Variants in CCDC88B observed in about 807,000 individuals in gnomAD.
CCDC88B encodes coiled-coil and HOOK domain protein 88B, also known as coiled-coil domain-containing protein 88B.
CCDC88B carries 138 observed loss-of-function variants against 183.7 expected under a neutral mutation model. The ratio of observed to expected loss-of-function variants is 0.75; its 90% CI spans 0.65 to 0.87. The LOEUF is 0.87. Ranked by LOEUF, CCDC88B falls within the 40% of genes least tolerant of loss-of-function variation. CCDC88B has a pLI of 0.00. For missense variants in CCDC88B, 1,822 were observed against 1,965.6 expected (o/e 0.93, Z 1.38); for synonymous variants, 835 against 867.5 (o/e 0.96, Z 0.66).
At chr11:64,348,049 C>CAAAAA (rs551644268) in intron 14 of CCDC88B, among the ~76,000 whole-genome samples, 1 of 70,924 alleles carries the variant, frequency 1.4e-5, no homozygotes, top group African/African-American at 5.8e-5. Context: ...GACTCCGTCT[C>CAAAAA]AAAAAAAAAA....
In CCDC88B at chr11:64,353,448, G is replaced by T. The variant is rs1447964046; in HGVS notation, c.3785G>T (p.Arg1262Leu). 4 of 1,612,864 alleles carry T rather than the reference G, an allele frequency of 2.5e-6. No individual in the cohort carries two copies. The highest frequency in any genetic ancestry group is 3.4e-6 in the Non-Finnish European group (4 of 1,179,946). ...LSRENRELLE[R>L]SLESRDHLHR... Reference sequence around the variant, plus strand: ...CGGGAGAACAGGGAGCTCCTGGAGCGCAGCCTGGAGAGTCGGGACCACCTG... The same window carrying T: ...CGGGAGAACAGGGAGCTCCTGGAGCTCAGCCTGGAGAGTCGGGACCACCTG... The change falls in exon 22 of 27, where the codon CGC becomes CTC. Residue 1262 changes from arginine to leucine, a missense_variant. Coordinates refer to ENST00000356786, the MANE Select transcript of CCDC88B (RefSeq NM_032251.6).
In CCDC88B at chr11:64,342,609, C is replaced by T; in HGVS notation, c.991C>T (p.Arg331Cys). 2.0e-6 allele frequency: 3 copies of T among 1,530,826 alleles called. No individual in the cohort carries two copies. The highest frequency in any genetic ancestry group is 2.3e-4 in the Middle Eastern group (1 of 4,432). The allele number at this position is 1,530,826 out of a possible 1,614,324, so 94.8% of individuals were successfully genotyped here. ...GCGGGAGCGGGCCGGCCGCCTGCCC[C>T]GCCTGCAGGAGGAGCTGAGGCGCTG... ...ALRERAGRLP[R>C]LQEELRRCRE... Residue 331 changes from arginine to cysteine, a missense_variant, in exon 10 of 27, where the codon CGC (arginine) becomes TGC (cysteine). Coordinates refer to ENST00000356786, the MANE Select transcript of CCDC88B (RefSeq NM_032251.6).
At chr11:64,356,762 C>T in intron 26 of CCDC88B, 1 of 482,510 alleles carries the variant, frequency 2.1e-6, no homozygotes, top group Non-Finnish European at 3.7e-6. Flanking sequence ...TCTGGGCAGG[C>T]TGGTTGGAGT....
chr11:64,353,810 C>A lies in CCDC88B; in HGVS notation c.3929C>A (p.Thr1310Asn). ...CTGGAGCCTGTGCCCCTGCCCCGGACCAAGTGAGCAGCCCTGTCACCTCCC... is the reference window on the plus strand; with the variant it reads ...CTGGAGCCTGTGCCCCTGCCCCGGAACAAGTGAGCAGCCCTGTCACCTCCC... ...RVLEPVPLPRTKKGSWLADKV... is the reference protein window; with the variant it reads ...RVLEPVPLPRNKKGSWLADKV... The change falls in exon 23 of 27, where the codon ACC (threonine) becomes AAC (asparagine). Residue 1310 changes from threonine to asparagine, a missense_variant. Physicochemically the swap from Thr to Asn is moderately conservative, Grantham distance 65. Coordinates refer to ENST00000356786, the MANE Select transcript of CCDC88B (RefSeq NM_032251.6). 1 of 1,613,984 alleles carries A rather than the reference C, an allele frequency of 6.2e-7. No individual in the cohort carries two copies. Among genetic ancestry groups the A allele is most frequent in the Non-Finnish European group, 8.5e-7 (1 of 1,179,894 alleles).
rs760381475 is a variant in CCDC88B, at chr11:64,355,403, G to T, written c.4306+3G>T. 2.5e-6 allele frequency: 4 copies of T among 1,592,480 alleles called. No individual in the cohort carries two copies. The South Asian group carries it at 3.4e-5, about 14-fold the overall frequency. Reference sequence around the variant, plus strand: ...GGCGCCCGTCTCCCACAGCAAAGGTGAGGGACAAGGGTCACTGTACCAGCC... The same window carrying T: ...GGCGCCCGTCTCCCACAGCAAAGGTTAGGGACAAGGGTCACTGTACCAGCC... On this transcript the variant is annotated splice_donor_region_variant and intron_variant, in intron 25 of 26. Coordinates refer to ENST00000356786, the MANE Select transcript of CCDC88B (RefSeq NM_032251.6).
intron 24 of CCDC88B, among the ~76,000 whole-genome samples, chr11:64,354,892 C>T (rs1301895384): frequency 2.2e-5 from 2 of 90,090 alleles, no homozygotes; most frequent in Admixed American, 1.0e-4. Flanking sequence ...AGCCTCAGCC[C>T]CCACTTCCCT....
chr11:64,349,322 T>C lies in CCDC88B; in HGVS notation c.2617-9T>C, dbSNP rs1321142191. 1 of 1,595,892 alleles carries C rather than the reference T, an allele frequency of 6.3e-7. No individual in the cohort carries two copies. Among genetic ancestry groups the C allele is most frequent in the Non-Finnish European group, 8.5e-7 (1 of 1,172,082 alleles). ...CCCCTTGCCCTGAGCCTGCTCTGCT[T>C]GCCCTCAGGAGCTGGAGAAAGCTGT... On this transcript the variant is annotated splice_polypyrimidine_tract_variant and intron_variant, in intron 14 of 26. Coordinates refer to ENST00000356786, the MANE Select transcript of CCDC88B (RefSeq NM_032251.6).
intron 14 of CCDC88B, among the ~76,000 whole-genome samples, chr11:64,347,834 G>A (rs1236358090): frequency 1.3e-5 from 2 of 151,942 alleles, no homozygotes; most frequent in African/African-American, 2.4e-5. Context: ...GCGGATGACC[G>A]GAGGTCAGGA....
At chr11:64,353,273 T>C in intron 21 of CCDC88B, 33 bp downstream of exon 21, 1 of 1,570,096 alleles carries the variant, frequency 6.4e-7, no homozygotes, top group Non-Finnish European at 8.6e-7. Flanking sequence ...GGTATGGGCG[T>C]GTGGTGGGGC....
Position 64,340,701 on chromosome 11 carries a change from G to T in CCDC88B, c.155G>T (p.Arg52Ile). The T allele has an allele frequency of 6.2e-7, 1 of 1,612,740 alleles. No homozygotes were observed. Among genetic ancestry groups the T allele is most frequent in the Non-Finnish European group, 8.5e-7 (1 of 1,179,864 alleles). The change falls in exon 2 of 27, where the codon AGA becomes ATA. Residue 52 changes from arginine (R) to isoleucine (I), a missense_variant. Arg to Ile is a moderately conservative substitution (Grantham distance 97, BLOSUM62 -3). Transcript: ENST00000356786. ...GAGCCGCCCCTTTGGTTGGAGAAGA[G>T]ATTCCTGCGCCTCAGCGATGGGGCC... ...EEEPPLWLEK[R>I]FLRLSDGALL...
chr11:64,353,023 C>T, intron 20 of CCDC88B, 31 bp from the exon 21 acceptor site: 1 of 1,555,022 alleles, frequency 6.4e-7, no homozygotes, highest in Non-Finnish European at 8.7e-7. Flanking sequence ...GACCCAGGTC[C>T]CTTGGAGAGC....
In CCDC88B at chr11:64,344,296, A is replaced by G. The variant is rs1324555648; in HGVS notation, c.1755A>G (p.Thr585=). The change falls in exon 14 of 27, where the codon ACA becomes ACG. Residue 585 remains threonine (T), a synonymous_variant. Transcript: ENST00000356786. This position sits in a 1 kb window ranked among gnomAD's most constrained non-coding sequence, Gnocchi z 4.5. ...SPQESGSPVE[T]QESPEKAGRR... ...AAGAGTCAGGCTCTCCTGTGGAGACACAGGAGTCCCCGGAGAAGGCTGGCC... is the reference window on the plus strand; with the variant it reads ...AAGAGTCAGGCTCTCCTGTGGAGACGCAGGAGTCCCCGGAGAAGGCTGGCC... 1 of 1,613,714 alleles carries G rather than the reference A, an allele frequency of 6.2e-7. No individual in the cohort carries two copies. Among genetic ancestry groups the G allele is most frequent in the Non-Finnish European group, 8.5e-7 (1 of 1,179,950 alleles).
chr11:64,355,381 G>C lies in CCDC88B; in HGVS notation c.4287G>C (p.Ala1429=), dbSNP rs148642259. The stretch of plus-strand genomic sequence containing the variant: ...AGCGCCATCCAGGCCCCCTGGGGGC[G>C]CCCGTCTCCCACAGCAAAGGTGAGG... ...FRQRHPGPLG[A]PVSHSKGPGV... Residue 1429 remains alanine, a synonymous_variant, in exon 25 of 27, where the codon GCG becomes GCC. Coordinates refer to ENST00000356786, the MANE Select transcript of CCDC88B (RefSeq NM_032251.6). 22 of 1,588,794 alleles carry C rather than the reference G, an allele frequency of 1.4e-5. No homozygotes were observed. In the South Asian group the frequency reaches 2.4e-4, roughly 17 times the overall value.
Position 64,353,005 on chromosome 11 carries a change from G to C in CCDC88B, c.3501-49G>C, listed in dbSNP as rs377619787. The C allele has an allele frequency of 5.2e-6, 8 of 1,529,480 alleles. No individual in the cohort carries two copies. In the East Asian group the frequency reaches 1.9e-4, roughly 37 times the overall value. The allele number at this position is 1,529,480 out of a possible 1,614,324, so 94.7% of individuals were successfully genotyped here. On this transcript the variant is annotated intron_variant, in intron 20 of 26. Coordinates refer to ENST00000356786, the MANE Select transcript of CCDC88B (RefSeq NM_032251.6). ...GGCATAACTTCTCTGGCCAGCACTCGGACTGGGGACCCAGGTCCCTTGGAG... is the reference window on the plus strand; with the variant it reads ...GGCATAACTTCTCTGGCCAGCACTCCGACTGGGGACCCAGGTCCCTTGGAG...
intron 19 of CCDC88B, 141 bp downstream of exon 19, chr11:64,352,527 G>C: frequency 7.3e-7 from 1 of 1,367,494 alleles, no homozygotes. Context: ...TGCCCTCTGG[G>C]GTAGCTGTGC....
chr11:64,342,809 T>A, intron 10 of CCDC88B, 129 bp downstream of exon 10: 1 of 1,117,578 alleles, frequency 8.9e-7, no homozygotes, highest in Non-Finnish European at 1.2e-6. Flanking sequence ...GAGAAATGGG[T>A]GAGGACAAAT....
At position 64,355,334 on chromosome 11, in the gene CCDC88B, AC is replaced by A. The variant is rs1357753110; in HGVS notation, c.4244del (p.Pro1415LeufsTer194). On this transcript the variant is annotated frameshift_variant, in exon 25 of 27. Transcript: ENST00000356786. LOFTEE classifies it high-confidence loss of function. The stretch of plus-strand genomic sequence containing the variant: ...CTCTGAGTCATTCAGCCCTGGGGAC[AC>A]CCCTAGGCAACGATTCCGACAGCGC... ...RSSESFSPGD[T>X]PRQRFRQRHP... is the part of the protein sequence containing the mutation. The A allele has an allele frequency of 5.7e-6, 9 of 1,591,154 alleles. No individual in the cohort carries two copies. Among genetic ancestry groups the A allele is most frequent in the Non-Finnish European group, 7.7e-6 (9 of 1,170,186 alleles).
chr11:64,342,367 C>A lies in CCDC88B; in HGVS notation c.895C>A (p.Arg299Ser). The change falls in exon 9 of 27, where the codon CGC becomes AGC. Residue 299 changes from arginine to serine, a missense_variant. Transcript: ENST00000356786. ...TTTGGAGGCCGAAATAAGAAGGCTCCGCCAGGAGGTGCGCTCACATGCTCC... is the reference window on the plus strand; with the variant it reads ...TTTGGAGGCCGAAATAAGAAGGCTCAGCCAGGAGGTGCGCTCACATGCTCC... The part of the protein sequence containing the change: ...QGLEAEIRRL[R>S]QEAQALSGQA... The A allele has an allele frequency of 1.3e-6, 2 of 1,583,798 alleles. No homozygotes were observed. The highest frequency in any genetic ancestry group is 8.6e-7 in the Non-Finnish European group (1 of 1,165,706).
chr11:64,355,266 G>T lies in CCDC88B; in HGVS notation c.4172G>T (p.Gly1391Val), dbSNP rs767776465. Reference protein sequence around the residue: ...LCLRDETLAGGQRRKLSSRFP... With the variant: ...LCLRDETLAGVQRRKLSSRFP... ...CTGCGGGATGAGACCTTGGCAGGCGGGCAGCGGCGGAAACTCAGCTCAAGG... is the reference window on the plus strand; with the variant it reads ...CTGCGGGATGAGACCTTGGCAGGCGTGCAGCGGCGGAAACTCAGCTCAAGG... Residue 1391 changes from glycine (G) to valine (V), a missense_variant, in exon 25 of 27, where the codon GGG (glycine) becomes GTG (valine). Gly to Val is a moderately radical substitution (Grantham distance 109). Coordinates refer to ENST00000356786, the MANE Select transcript of CCDC88B (RefSeq NM_032251.6). 1 of 1,576,596 alleles carries T rather than the reference G, an allele frequency of 6.3e-7. No individual in the cohort carries two copies. Among genetic ancestry groups the T allele is most frequent in the Admixed American group, 1.9e-5 (1 of 54,000 alleles).
Sources: gnomAD v4.1 joint callset for allele counts (sites outside exome capture counted in the v4.1 genomes callset) on GRCh38, gnomAD v4.1.1 for gene constraint, Gnocchi (gnomAD v3.1) non-coding constraint, MANE v1.5 for transcripts, NCBI Gene and HGNC (gene_info 2026-07-23, HGNC 2026-07-21) for gene names.